Variants in ADCY2 observed in about 807,000 individuals in gnomAD.
ADCY2 encodes the protein adenylate cyclase 2, also known as adenylate cyclase type 2.
A neutral mutation model predicts 125.2 loss-of-function variants in ADCY2; 31 were observed. The ratio of observed to expected loss-of-function variants is 0.25; its 90% CI spans 0.19 to 0.33. The LOEUF (loss-of-function observed/expected upper bound fraction) is 0.33, where lower values mean the gene tolerates loss of function less well. Ranked by LOEUF, ADCY2 falls within the 10% of genes least tolerant of loss-of-function variation. The pLI is 1.00. For missense variants in ADCY2, 904 were observed against 1,418.2 expected, an observed-to-expected ratio of 0.64 and a Z score of 5.82; for synonymous variants, 512 against 548.4, an observed-to-expected ratio of 0.93 and a Z score of 0.93.
chr5:7,676,295 A>G (rs1038541719), intron 4 of ADCY2, among the ~76,000 whole-genome samples: 6 of 152,362 alleles, frequency 3.9e-5, no homozygotes, highest in African/African-American at 1.4e-4. Context: ...ATCAGCTAGC[A>G]AAAAAGTATT....
chr5:7,808,772 A>G (rs529895939), intron 22 of ADCY2, among the ~76,000 whole-genome samples: 2 of 152,062 alleles, frequency 1.3e-5, no homozygotes, highest in Admixed American at 1.3e-4. Flanking sequence ...CTATTCATTC[A>G]TCGCTGCTCC....
At chr5:7,433,526 A>T (rs1322185209) in intron 2 of ADCY2, among the ~76,000 whole-genome samples, 1 of 152,194 alleles carries the variant, frequency 6.6e-6, no homozygotes, top group African/African-American at 2.4e-5. Flanking sequence ...CTTCCTGAGG[A>T]GGGACGTAGC....
chr5:7,597,493 G>A (rs1737048192), intron 3 of ADCY2, among the ~76,000 whole-genome samples: 1 of 152,214 alleles, frequency 6.6e-6, no homozygotes, highest in African/African-American at 2.4e-5. Context: ...ATGCAGTAGT[G>A]GCCAGGCGCA....
chr5:7,527,290 T>A (rs1734507587), intron 3 of ADCY2, among the ~76,000 whole-genome samples: 1 of 152,216 alleles, frequency 6.6e-6, no homozygotes, highest in Non-Finnish European at 1.5e-5. Flanking sequence ...GCGTGTTTAG[T>A]GCTTATTTCA....
At chr5:7,632,334 T>TTAA (rs1361332332) in intron 4 of ADCY2, among the ~76,000 whole-genome samples, 1 of 152,206 alleles carries the variant, frequency 6.6e-6, no homozygotes, top group Non-Finnish European at 1.5e-5. Context: ...TCATCTTTTA[T>TTAA]TAAATCATTA....
chr5:7,647,361 T>C (rs1738935485), intron 4 of ADCY2, among the ~76,000 whole-genome samples: 1 of 152,044 alleles, frequency 6.6e-6, no homozygotes, highest in Admixed American at 6.5e-5. Context: ...ACGTAAGCAA[T>C]GATAATATCT....
At position 7,829,574 on chromosome 5, in the gene ADCY2, A is replaced by G. The variant is rs1745583184; in HGVS notation, c.*2703A>G. 1.3e-5 allele frequency: 2 copies of G among 152,332 alleles called. No homozygotes were observed. The highest frequency in any genetic ancestry group is 4.8e-5 in the African/African-American group (2 of 41,414). 9.4% of individuals were successfully genotyped at this position (152,332 alleles called of 1,614,324 possible). A position where few individuals can be genotyped will look rare whatever the true frequency, so the allele number is the denominator to read the frequency against. ...CAAGAAAAAAAAAAAATCTCTCCCC[A>G]ATGCTCTCCTTAACCTTTAAGTCTT... On this transcript the variant is annotated 3_prime_UTR_variant, in exon 25 of 25. Transcript: ENST00000338316.
intron 1 of ADCY2, among the ~76,000 whole-genome samples, chr5:7,397,981 G>A (rs1332215951): frequency 6.6e-6 from 1 of 152,154 alleles, no homozygotes; most frequent in East Asian, 1.9e-4. Context: ...AAGGACTTGG[G>A]GAGAGACTTC....
At chr5:7,544,044 T>A in intron 3 of ADCY2, among the ~76,000 whole-genome samples, 1 of 135,232 alleles carries the variant, frequency 7.4e-6, no homozygotes, top group African/African-American at 2.7e-5. Context: ...AAAAAGATTG[T>A]CCCCATTAGG....
At chr5:7,573,771 T>G (rs1056086437) in intron 3 of ADCY2, among the ~76,000 whole-genome samples, 3 of 151,484 alleles carry the variant, frequency 2.0e-5, no homozygotes, top group African/African-American at 7.3e-5. Flanking sequence ...TTGTTTTTAT[T>G]TATTATACTT....
At position 7,829,166 on chromosome 5, in the gene ADCY2, C is replaced by A. The variant is rs1012786352; in HGVS notation, c.*2295C>A. 6 of 152,424 alleles carry A rather than the reference C, an allele frequency of 3.9e-5. No homozygotes were observed. The highest frequency in any genetic ancestry group is 3.9e-4 in the Admixed American group (6 of 15,284). The allele number at this position is 152,424 out of a possible 1,614,324, so 9.4% of individuals were successfully genotyped here. On this transcript the variant is annotated 3_prime_UTR_variant, in exon 25 of 25. Transcript: ENST00000338316. ...TGTGAACTTATCAAAAATGCAAATT[C>A]TCAGGCCCCAACCTGAAGGAGGACC...
chr5:7,504,490 A>G (rs1474757865), intron 2 of ADCY2, among the ~76,000 whole-genome samples: 1 of 152,178 alleles, frequency 6.6e-6, no homozygotes, highest in African/African-American at 2.4e-5. Flanking sequence ...ATTTATATAC[A>G]CCTATTAATA....
At chr5:7,479,520 T>C (rs1045517529) in intron 2 of ADCY2, among the ~76,000 whole-genome samples, 1 of 152,168 alleles carries the variant, frequency 6.6e-6, no homozygotes, top group Non-Finnish European at 1.5e-5. Flanking sequence ...AGGCATGCAA[T>C]GCATAATAAC....
At chr5:7,443,688 G>A (rs766271334) in intron 2 of ADCY2, among the ~76,000 whole-genome samples, 11 of 140,438 alleles carry the variant, frequency 7.8e-5, no homozygotes, top group Non-Finnish European at 1.5e-4. Flanking sequence ...ATGTGAGCAC[G>A]TACACATATT....
At chr5:7,804,756 G>A in intron 22 of ADCY2, 64 bp downstream of exon 22, 2 of 1,201,390 alleles carry the variant, frequency 1.7e-6, no homozygotes, top group Non-Finnish European at 2.5e-6. Flanking sequence ...ACCACCCTGG[G>A]ACCAAAACAG....
intron 3 of ADCY2, among the ~76,000 whole-genome samples, chr5:7,532,340 G>C (rs1452059102): frequency 6.6e-6 from 1 of 152,178 alleles, no homozygotes; most frequent in Non-Finnish European, 1.5e-5. Context: ...AGCCACTTGT[G>C]AGTTCTCTCA....
intron 2 of ADCY2, among the ~76,000 whole-genome samples, chr5:7,444,613 A>G (rs183335846): frequency 2.8e-4 from 43 of 152,176 alleles, no homozygotes; most frequent in Non-Finnish European, 7.4e-5. Context: ...ACAATGAATA[A>G]TTTTTTCCAT....
chr5:7,582,418 T>A (rs1365163828), intron 3 of ADCY2, among the ~76,000 whole-genome samples: 1 of 152,130 alleles, frequency 6.6e-6, no homozygotes, highest in Non-Finnish European at 1.5e-5. Context: ...GTCGACTCAT[T>A]TTATGAGGCC....
intron 2 of ADCY2, among the ~76,000 whole-genome samples, chr5:7,476,471 C>T (rs1245955667): frequency 2.0e-5 from 3 of 152,152 alleles, no homozygotes; most frequent in African/African-American, 7.2e-5. Context: ...CTCAGGGACT[C>T]AGGAAGAAAG....
Sources: allele counts gnomAD v4.1 joint callset (sites outside exome capture counted in the v4.1 genomes callset), GRCh38; gene constraint gnomAD v4.1.1; transcripts MANE v1.5; gene names NCBI Gene and HGNC (gene_info 2026-07-23, HGNC 2026-07-21).